The following DUSP4 variants were observed in gnomAD, a reference collection of about 807,000 sequenced individuals.
DUSP4 encodes dual specificity phosphatase 4, also known as dual specificity protein phosphatase 4.
DUSP4 carries 12 observed loss-of-function variants against 27.2 expected under a neutral mutation model. The ratio of observed to expected loss-of-function variants is 0.44; its 90% confidence interval spans 0.28 to 0.71. The LOEUF (loss-of-function observed/expected upper bound fraction) is 0.71, where lower values mean the gene tolerates loss of function less well. DUSP4 is among the 30% of genes least tolerant of loss of function. DUSP4 has a pLI of 0.14. For missense variants in DUSP4, 448 were observed against 551.3 expected (o/e 0.81, Z 1.88); for synonymous variants, 257 against 245.2 (o/e 1.05, Z -0.45).
chr8:29,342,571 T>C (rs567144038), intron 1 of DUSP4, among the ~76,000 whole-genome samples: 1 of 152,134 alleles, frequency 6.6e-6, no homozygotes, highest in African/African-American at 2.4e-5. Context: ...TGGAAACCTG[T>C]CTCTTGGTTT....
chr8:29,348,003 C>T, intron 1 of DUSP4: 1 of 985,558 alleles, frequency 1.0e-6, no homozygotes, highest in African/African-American at 1.7e-5. Context: ...CCCCGGAAGC[C>T]CAAGGGCCGA....
In DUSP4 at chr8:29,337,407, G is replaced by T. The variant is rs146191698; in HGVS notation, c.804C>A (p.Ala268=). Residue 268 remains alanine (A), a synonymous_variant, in exon 4 of 4, where the codon GCC becomes GCA. Transcript: ENST00000240100. This position sits in a 1 kb window ranked among gnomAD's most constrained non-coding sequence, Gnocchi z 6.4. ...GCACGCGCCCACGGCAGTCCTTCAC[G>T]GCATCTGGGGACAGGGTTCAATAGG... is the stretch of plus-strand genomic sequence containing the variant. ...WFMEAIEYID[A]VKDCRGRVLV... 12 of 1,601,910 alleles carry T rather than the reference G, an allele frequency of 7.5e-6. No homozygotes were observed. Among genetic ancestry groups the T allele is most frequent in the Admixed American group, 1.7e-5 (1 of 59,744 alleles).
At chr8:29,347,345 T>C (rs1817750771) in intron 1 of DUSP4, among the ~76,000 whole-genome samples, 2 of 152,182 alleles carry the variant, frequency 1.3e-5, no homozygotes, top group African/African-American at 4.8e-5. Flanking sequence ...TCTCTAGGGA[T>C]GCCTTTCCAT....
chr8:29,348,706 T>A lies in DUSP4; in HGVS notation c.433+1140A>T, dbSNP rs544777589. The A allele has an allele frequency of 4.1e-6, 4 of 984,146 alleles. No individual in the cohort carries two copies. In the East Asian group the frequency reaches 3.4e-4, roughly 85 times the overall value. The allele number at this position is 984,146 out of a possible 1,614,324, so 61.0% of individuals were successfully genotyped here. On this transcript the variant is annotated intron_variant, in intron 1 of 3. Coordinates refer to ENST00000240100, the MANE Select transcript of DUSP4 (RefSeq NM_001394.7). ...GCTCCCTTCCTCCCGGGTGGACAGG[T>A]CGGAAGAGGAGCGGAAAGGAAAGGA...
intron 1 of DUSP4, among the ~76,000 whole-genome samples, chr8:29,341,870 C>G (rs779069421): frequency 3.2e-4 from 49 of 152,340 alleles, no homozygotes; most frequent in Non-Finnish European, 6.6e-4. Context: ...AAGGGAAACT[C>G]ATTCATTAAC....
Position 29,350,133 on chromosome 8 carries a change from T to G in DUSP4, c.146A>C (p.Asp49Ala), listed in dbSNP as rs1354875854. The G allele has an allele frequency of 6.2e-7, 1 of 1,609,426 alleles. No individual in the cohort carries two copies. The highest frequency in any genetic ancestry group is 1.7e-5 in the Admixed American group (1 of 59,852). The part of the protein sequence containing the change: ...LPSGGKCLLL[D>A]CRPFLAHSAG... ...GCTGTGCGCCAGGAACGGTCTGCAG[T>G]CCAGCAGCAGGCACTTGCCGCCGCT... The change falls in exon 1 of 4, where the codon GAC (aspartate) becomes GCC (alanine). Residue 49 changes from aspartate (D) to alanine (A), a missense_variant. Asp to Ala is a moderately radical substitution (Grantham distance 126, BLOSUM62 -2). This residue lies in a region of DUSP4 where 345 missense variants were observed against 394.0 expected (regional missense o/e 0.88). Coordinates refer to ENST00000240100, the MANE Select transcript of DUSP4 (RefSeq NM_001394.7).
rs1817535980 is a variant in DUSP4, at chr8:29,334,149, AG to A, written c.*2876del. 6.6e-6 allele frequency: 1 copy of A among 152,234 alleles called. No homozygotes were observed. Among genetic ancestry groups the A allele is most frequent in the Admixed American group, 6.5e-5 (1 of 15,288 alleles). 9.4% of individuals were successfully genotyped at this position (152,234 alleles called of 1,614,324 possible). A position where few individuals can be genotyped will look rare whatever the true frequency, so the allele number is the denominator to read the frequency against. On this transcript the variant is annotated 3_prime_UTR_variant, in exon 4 of 4. Transcript: ENST00000240100. ...GAATAGGCAGCATTCCTCACTCTAC[AG>A]AACACCCAATGAGCATCCTGTCTTT... is the stretch of plus-strand genomic sequence containing the variant.
chr8:29,346,709 AAT>A (rs1817739357), intron 1 of DUSP4, among the ~76,000 whole-genome samples: 2 of 152,224 alleles, frequency 1.3e-5, no homozygotes, highest in African/African-American at 4.8e-5. Context: ...AAAGTCGGGT[AAT>A]CTGAGGAAAT....
At chr8:29,343,856 G>A (rs1270648396) in intron 1 of DUSP4, among the ~76,000 whole-genome samples, 2 of 152,050 alleles carry the variant, frequency 1.3e-5, no homozygotes, top group Non-Finnish European at 2.9e-5. Flanking sequence ...TCTTACTGTG[G>A]GCAGGGTTAA....
At chr8:29,342,317 C>T (rs1817666740) in intron 1 of DUSP4, among the ~76,000 whole-genome samples, 1 of 152,228 alleles carries the variant, frequency 6.6e-6, no homozygotes, top group Non-Finnish European at 1.5e-5. Flanking sequence ...CCTCCTGAAC[C>T]TCTCGGAGCC....
intron 2 of DUSP4, among the ~76,000 whole-genome samples, chr8:29,338,781 G>A (rs1295859242): frequency 6.6e-6 from 1 of 152,216 alleles, no homozygotes; most frequent in Non-Finnish European, 1.5e-5. Context: ...GGCAAAATAA[G>A]CGGCAGGACA....
intron 1 of DUSP4, among the ~76,000 whole-genome samples, chr8:29,343,560 G>A (rs1817686052): frequency 6.6e-6 from 1 of 152,174 alleles, no homozygotes. Context: ...CCCTTCTCCA[G>A]GGGGCACTGC....
At chr8:29,346,791 G>A (rs1343153192) in intron 1 of DUSP4, among the ~76,000 whole-genome samples, 1 of 152,214 alleles carries the variant, frequency 6.6e-6, no homozygotes, top group South Asian at 2.1e-4. Context: ...GGAGTAACCA[G>A]TTCAACGTGG....
At chr8:29,340,280 C>T (rs1817639175) in intron 1 of DUSP4, 37 bp from the exon 2 acceptor site, 2 of 1,560,356 alleles carry the variant, frequency 1.3e-6, no homozygotes, top group Non-Finnish European at 1.7e-6. Context: ...AATGGGGTCA[C>T]TAAGCCAGCA....
At chr8:29,348,006 A>AG in intron 1 of DUSP4, 1 of 985,546 alleles carries the variant, frequency 1.0e-6, no homozygotes, top group Non-Finnish European at 1.2e-6. Flanking sequence ...CGGAAGCCCA[A>AG]GGGCCGAGGT....
Position 29,333,115 on chromosome 8 carries a change from A to T in DUSP4, c.*3911T>A, listed in dbSNP as rs1164785104. On this transcript the variant is annotated 3_prime_UTR_variant, in exon 4 of 4. Transcript: ENST00000240100. ...AAATGATCTTTTTCAAGCAATAAAT[A>T]AAACCAGACATATTGACTTCTAAAA... 6.6e-6 allele frequency: 1 copy of T among 152,154 alleles called. No homozygotes were observed. The highest frequency in any genetic ancestry group is 1.9e-4 in the East Asian group (1 of 5,198). The allele number at this position is 152,154 out of a possible 1,614,324, so 9.4% of individuals were successfully genotyped here. A position where few individuals can be genotyped will look rare whatever the true frequency, so the allele number is the denominator to read the frequency against.
intron 1 of DUSP4, among the ~76,000 whole-genome samples, chr8:29,343,209 T>G (rs968798363): frequency 1.3e-5 from 2 of 150,106 alleles, no homozygotes; most frequent in African/African-American, 4.9e-5. Context: ...AGAAGCAGAT[T>G]CGCTCAAGGG....
intron 2 of DUSP4, among the ~76,000 whole-genome samples, chr8:29,339,783 C>G (rs887607589): frequency 5.3e-5 from 8 of 151,208 alleles, no homozygotes; most frequent in Non-Finnish European, 4.4e-5. Flanking sequence ...GCAGGAGGAT[C>G]ACTTGAGGCC....
chr8:29,334,741 GA>G lies in DUSP4; in HGVS notation c.*2284del. ...ACCCACTGGACTTCCAGGAATCAAG[GA>G]AAAAGTGGAAATGTCCAACTGTGTT... On this transcript the variant is annotated 3_prime_UTR_variant, in exon 4 of 4. Coordinates refer to ENST00000240100, the MANE Select transcript of DUSP4 (RefSeq NM_001394.7). The G allele has an allele frequency of 6.6e-6, 1 of 152,322 alleles. No individual in the cohort carries two copies. Among genetic ancestry groups the G allele is most frequent in the Non-Finnish European group, 1.5e-5 (1 of 68,056 alleles). 9.4% of individuals were successfully genotyped at this position (152,322 alleles called of 1,614,324 possible). A position where few individuals can be genotyped will look rare whatever the true frequency, so the allele number is the denominator to read the frequency against.
Sources: gnomAD v4.1 joint callset for allele counts (sites outside exome capture counted in the v4.1 genomes callset) on GRCh38, gnomAD v4.1.1 for gene constraint, gnomAD v4.1.1 regional missense constraint, Gnocchi (gnomAD v3.1) non-coding constraint, MANE v1.5 for transcripts, NCBI Gene and HGNC (gene_info 2026-07-23, HGNC 2026-07-21) for gene names.